Variants in SLC8A1 observed in about 807,000 individuals in gnomAD.
SLC8A1 encodes sodium/calcium exchanger 1.
In SLC8A1, 18 loss-of-function variants were observed where a neutral mutation model predicts 68.3. The observed-to-expected ratio is 0.26, with a 90% confidence interval of 0.18 to 0.39. SLC8A1 has a LOEUF of 0.39. SLC8A1 is among the 10% of genes least tolerant of loss of function. SLC8A1 has a pLI of 1.00. For synonymous variants in SLC8A1, 475 were observed against 415.5 expected (o/e 1.14, Z -1.74); for missense variants, 985 against 1,156.7 (o/e 0.85, Z 2.15).
chr2:40,438,971 G>A (rs1030453689), intron 1 of SLC8A1, among the ~76,000 whole-genome samples: 1 of 152,094 alleles, frequency 6.6e-6, no homozygotes, highest in Non-Finnish European at 1.5e-5. Context: ...TCAGAAAACA[G>A]TGTTTGTTCT....
chr2:40,444,421 G>C (rs1239330610), intron 1 of SLC8A1, among the ~76,000 whole-genome samples: 1 of 152,142 alleles, frequency 6.6e-6, no homozygotes, highest in Non-Finnish European at 1.5e-5. Context: ...ATAACTGAAA[G>C]AGACATTTCA....
At chr2:40,294,129 T>C (rs1038568329) in intron 2 of SLC8A1, among the ~76,000 whole-genome samples, 1 of 152,192 alleles carries the variant, frequency 6.6e-6, no homozygotes, top group African/African-American at 2.4e-5. Flanking sequence ...GAGACTATTA[T>C]GTGTATTCTT....
chr2:40,411,619 A>C (rs1031687644), intron 2 of SLC8A1, among the ~76,000 whole-genome samples: 1 of 152,032 alleles, frequency 6.6e-6, no homozygotes, highest in Non-Finnish European at 1.5e-5. Flanking sequence ...CAATGTCAAA[A>C]CAAAAACAAA....
At chr2:40,177,395 C>A (rs1214922500) in intron 3 of SLC8A1, among the ~76,000 whole-genome samples, 2 of 152,152 alleles carry the variant, frequency 1.3e-5, no homozygotes, top group Non-Finnish European at 2.9e-5. Flanking sequence ...ATTAAGTCGT[C>A]TTTATCACTA....
intron 1 of SLC8A1, among the ~76,000 whole-genome samples, chr2:40,496,470 C>G (rs779269781): frequency 2.6e-5 from 4 of 152,048 alleles, no homozygotes; most frequent in Non-Finnish European, 4.4e-5. Context: ...TTCTCAGTGG[C>G]ACCATGTGTG....
At chr2:40,241,148 C>A (rs2061166114) in intron 2 of SLC8A1, among the ~76,000 whole-genome samples, 1 of 152,098 alleles carries the variant, frequency 6.6e-6, no homozygotes, top group Non-Finnish European at 1.5e-5. Context: ...TATATATACA[C>A]CATGGAATAT....
At chr2:40,492,632 T>C (rs186011961) in intron 1 of SLC8A1, among the ~76,000 whole-genome samples, 3,494 of 148,812 alleles carry the variant, frequency 0.023, 71 homozygotes, top group Non-Finnish European at 0.034. Flanking sequence ...TACAATGAAC[T>C]CAAACAAATT....
At chr2:40,398,417 G>A (rs1296130199) in intron 2 of SLC8A1, among the ~76,000 whole-genome samples, 1 of 152,064 alleles carries the variant, frequency 6.6e-6, no homozygotes, top group African/African-American at 2.4e-5. Context: ...TTTTTCTACT[G>A]TATGTAGTTA....
chr2:40,193,192 AAATG>A (rs1379352925), intron 2 of SLC8A1, among the ~76,000 whole-genome samples: 1 of 152,154 alleles, frequency 6.6e-6, no homozygotes, highest in East Asian at 1.9e-4. Context: ...ACAGTAAGCA[AAATG>A]AATGGTGTGT....
chr2:40,334,116 C>G (rs1449407041), intron 2 of SLC8A1, among the ~76,000 whole-genome samples: 1 of 152,178 alleles, frequency 6.6e-6, no homozygotes, highest in East Asian at 1.9e-4. Context: ...GCAACATCAT[C>G]AACATATCTA....
chr2:40,379,789 C>G (rs1451272422), intron 2 of SLC8A1, among the ~76,000 whole-genome samples: 1 of 151,986 alleles, frequency 6.6e-6, no homozygotes, highest in East Asian at 1.9e-4. Flanking sequence ...GGGGCAGCAT[C>G]TTCAAAACTT....
intron 4 of SLC8A1, among the ~76,000 whole-genome samples, chr2:40,165,246 A>G (rs2046350035): frequency 6.6e-6 from 1 of 152,216 alleles, no homozygotes; most frequent in Admixed American, 6.5e-5. Context: ...TGTATGGGGC[A>G]TATCACTGAG....
intron 2 of SLC8A1, among the ~76,000 whole-genome samples, chr2:40,222,278 C>T (rs758128853): frequency 1.3e-4 from 20 of 151,946 alleles, no homozygotes; most frequent in South Asian, 8.3e-4. Flanking sequence ...AATGGGGAAA[C>T]GACTCCCTAC....
intron 7 of SLC8A1, among the ~76,000 whole-genome samples, chr2:40,129,324 G>C (rs1301821037): frequency 6.6e-6 from 1 of 151,182 alleles, no homozygotes; most frequent in African/African-American, 2.4e-5. Flanking sequence ...TTGGCCTCCT[G>C]GGCTCAAGTG....
intron 2 of SLC8A1, among the ~76,000 whole-genome samples, chr2:40,370,940 A>G (rs1677825533): frequency 6.6e-6 from 1 of 152,072 alleles, no homozygotes; most frequent in African/African-American, 2.4e-5. Flanking sequence ...GACTTAGTAC[A>G]CTAGTTGCTA....
At chr2:40,428,037 T>G (rs1237308378) in intron 2 of SLC8A1, among the ~76,000 whole-genome samples, 1 of 152,132 alleles carries the variant, frequency 6.6e-6, no homozygotes, top group Non-Finnish European at 1.5e-5. Context: ...TTCAGGGTGT[T>G]TCCTTTTTGG....
intron 1 of SLC8A1, among the ~76,000 whole-genome samples, chr2:40,491,384 G>T (rs1004778833): frequency 2.0e-5 from 3 of 152,198 alleles, no homozygotes; most frequent in Non-Finnish European, 2.9e-5. Context: ...GAGATTTTGG[G>T]CTGAGACAAT....
chr2:40,318,888 T>A (rs994532142), intron 2 of SLC8A1, among the ~76,000 whole-genome samples: 1 of 152,102 alleles, frequency 6.6e-6, no homozygotes, highest in African/African-American at 2.4e-5. Flanking sequence ...AACTTTTCAA[T>A]ACAATGTTTG....
chr2:40,253,550 G>A (rs1010110872), intron 2 of SLC8A1, among the ~76,000 whole-genome samples: 2 of 152,088 alleles, frequency 1.3e-5, no homozygotes, highest in Non-Finnish European at 2.9e-5. Context: ...AAAGGGCCTG[G>A]CGCGGTGGCT....
Sources: allele counts gnomAD v4.1 joint callset (sites outside exome capture counted in the v4.1 genomes callset), GRCh38; gene constraint gnomAD v4.1.1; transcripts MANE v1.5; gene names NCBI Gene and HGNC (gene_info 2026-07-23, HGNC 2026-07-21).